The following NADK2 variants were observed in gnomAD, a reference collection of about 807,000 sequenced individuals.
NADK2 encodes the protein NAD kinase domain-containing protein 1, mitochondrial.
In NADK2, 35 loss-of-function variants were observed where a neutral mutation model predicts 62.1. The ratio of observed to expected loss-of-function variants is 0.56; its 90% confidence interval spans 0.43 to 0.75. The LOEUF is 0.75. Ranked by LOEUF, NADK2 falls within the 30% of genes least tolerant of loss-of-function variation. The pLI, the probability that NADK2 is intolerant of heterozygous loss-of-function variation, is 0.00. For missense variants in NADK2, 439 were observed against 561.3 expected (o/e 0.78, Z 2.20); for synonymous variants, 205 against 207.9 (o/e 0.99, Z 0.12).
Position 36,217,573 on chromosome 5 carries a change from T to C in NADK2, c.781+175A>G, listed in dbSNP as rs996664948. Among the ~76,000 whole-genome samples the C allele has an allele frequency of 7.2e-5, 11 of 152,184 alleles. No homozygotes were observed. The East Asian group carries it at 1.9e-3, about 27-fold the overall frequency. ...GTCCTAGAAAACATTTCTAGAAATA[T>C]GCTATTATTTACTTCAGATTCTAAT... On this transcript the variant is annotated intron_variant, in intron 6 of 11. Coordinates refer to ENST00000381937, the MANE Select transcript of NADK2 (RefSeq NM_001085411.3).
chr5:36,239,655 T>G (rs903622920), intron 1 of NADK2, among the ~76,000 whole-genome samples: 1 of 152,098 alleles, frequency 6.6e-6, no homozygotes, highest in East Asian at 2.0e-4. Flanking sequence ...GGTAATCTAG[T>G]TCAGAGGTCC....
intron 8 of NADK2, among the ~76,000 whole-genome samples, chr5:36,202,696 T>C (rs528303506): frequency 6.6e-5 from 10 of 152,218 alleles, no homozygotes; most frequent in African/African-American, 2.2e-4. Flanking sequence ...AAAGCCTGGC[T>C]CAGAGCCTCC....
Position 36,217,766 on chromosome 5 carries a change from C to A in NADK2, c.763G>T (p.Glu255Ter). The A allele has an allele frequency of 6.2e-7, 1 of 1,613,828 alleles. No individual in the cohort carries two copies. The highest frequency in any genetic ancestry group is 1.1e-5 in the South Asian group (1 of 91,070). Residue 255 changes from glutamate to a stop codon, truncating the protein, a stop_gained, in exon 6 of 12, where the codon GAA becomes TAA. Coordinates refer to ENST00000381937, the MANE Select transcript of NADK2 (RefSeq NM_001085411.3). LOFTEE classifies it high-confidence loss of function. ...LNQHNRALNI[E>*]RAHDERSEAS... ...CACCTACTTTCATCATGAGCTCTTT[C>A]AATGTTAAGGGCTCTATTGTGCTGA... is the stretch of plus-strand genomic sequence containing the variant.
At chr5:36,221,687 A>T (rs1193614294) in intron 4 of NADK2, 1 of 152,236 alleles carries the variant, frequency 6.6e-6, no homozygotes, top group Non-Finnish European at 1.5e-5. Context: ...AATAGAGAAG[A>T]GATGACAATA....
chr5:36,214,284 A>G (rs1746963280), intron 6 of NADK2, among the ~76,000 whole-genome samples: 1 of 152,038 alleles, frequency 6.6e-6, no homozygotes, highest in Non-Finnish European at 1.5e-5. Flanking sequence ...CAGGTTCAAG[A>G]GATTCTCTGC....
chr5:36,219,545 G>T, intron 5 of NADK2, 51 bp downstream of exon 5: 1 of 1,464,990 alleles, frequency 6.8e-7, no homozygotes, highest in Non-Finnish European at 9.6e-7. Flanking sequence ...ATTATTAATG[G>T]CACATACTTA....
intron 1 of NADK2, among the ~76,000 whole-genome samples, chr5:36,240,644 G>C: frequency 6.6e-6 from 1 of 152,008 alleles, no homozygotes; most frequent in Non-Finnish European, 1.5e-5. Flanking sequence ...AAAGTTGGTG[G>C]GGGGGGATGA....
At chr5:36,195,315 A>C (rs1169884660) in intron 11 of NADK2, 33 bp from the exon 12 acceptor site, 1 of 1,564,528 alleles carries the variant, frequency 6.4e-7, no homozygotes, top group South Asian at 1.2e-5. Context: ...TTAAATAGTA[A>C]TAGTTTTCTT....
intron 6 of NADK2, among the ~76,000 whole-genome samples, chr5:36,214,709 C>T (rs1047516945): frequency 2.0e-5 from 3 of 152,126 alleles, no homozygotes; most frequent in Admixed American, 6.6e-5. Flanking sequence ...CTAAAACTTC[C>T]CATAAGATCT....
intron 2 of NADK2, among the ~76,000 whole-genome samples, chr5:36,226,858 T>G (rs1747502287): frequency 6.6e-6 from 1 of 152,148 alleles, no homozygotes; most frequent in African/African-American, 2.4e-5. Context: ...GAATTTCATT[T>G]TCTCTACTCC....
chr5:36,228,981 A>G (rs1747603351), intron 1 of NADK2, among the ~76,000 whole-genome samples: 1 of 152,164 alleles, frequency 6.6e-6, no homozygotes, highest in Non-Finnish European at 1.5e-5. Context: ...CTATAAAGTA[A>G]AACTAATTTT....
chr5:36,198,814 G>A (rs181317324), intron 10 of NADK2, among the ~76,000 whole-genome samples: 1 of 151,750 alleles, frequency 6.6e-6, no homozygotes. Flanking sequence ...GAGTGAAGGA[G>A]ACCAGAATCC....
intron 7 of NADK2, among the ~76,000 whole-genome samples, chr5:36,210,079 T>C (rs1213865069): frequency 1.3e-5 from 2 of 152,204 alleles, no homozygotes; most frequent in Non-Finnish European, 2.9e-5. Context: ...TCAGAATTTA[T>C]GGAACTCTTA....
At chr5:36,204,193 A>G (rs1424248595) in intron 8 of NADK2, among the ~76,000 whole-genome samples, 3 of 152,216 alleles carry the variant, frequency 2.0e-5, no homozygotes, top group African/African-American at 7.2e-5. Context: ...CAGGGGCTAT[A>G]TAACTGATAG....
intron 4 of NADK2, chr5:36,221,398 C>T (rs1007825742): frequency 1.3e-5 from 2 of 152,394 alleles, no homozygotes; most frequent in Admixed American, 6.5e-5. Flanking sequence ...TGAACTCCGA[C>T]ATGCACAACC....
intron 8 of NADK2, among the ~76,000 whole-genome samples, chr5:36,201,937 G>T (rs1400866575): frequency 1.3e-5 from 2 of 151,808 alleles, no homozygotes; most frequent in Non-Finnish European, 2.9e-5. Flanking sequence ...AGAAAAGGTT[G>T]TTTTTTTAAA....
At chr5:36,198,120 A>G (rs1746301969) in intron 10 of NADK2, among the ~76,000 whole-genome samples, 1 of 152,004 alleles carries the variant, frequency 6.6e-6, no homozygotes, top group African/African-American at 2.4e-5. Context: ...GACAGGCAAT[A>G]TCCTTTCTCC....
At chr5:36,203,340 C>T (rs1194555672) in intron 8 of NADK2, among the ~76,000 whole-genome samples, 1 of 152,084 alleles carries the variant, frequency 6.6e-6, no homozygotes, top group Non-Finnish European at 1.5e-5. Flanking sequence ...TTTTCCCCAG[C>T]CCCTCTGGCT....
chr5:36,227,676 T>G (rs1747534509), intron 1 of NADK2, 111 bp from the exon 2 acceptor site: 5 of 474,644 alleles, frequency 1.1e-5, no homozygotes, highest in Non-Finnish European at 1.0e-5. Flanking sequence ...AAAATATATT[T>G]TAATAACTAC....
Sources: allele counts gnomAD v4.1 joint callset (sites outside exome capture counted in the v4.1 genomes callset), GRCh38; gene constraint gnomAD v4.1.1; transcripts MANE v1.5; gene names NCBI Gene and HGNC (gene_info 2026-07-23, HGNC 2026-07-21).